SNTB1: variants seen among roughly 807,000 people sequenced by gnomAD.
The protein encoded by SNTB1 is syntrophin beta 1, also known as beta-1-syntrophin.
A neutral mutation model predicts 48.9 loss-of-function variants in SNTB1; 36 were observed. That is an observed-to-expected ratio of 0.74 (90% CI 0.56 to 0.97). The LOEUF (loss-of-function observed/expected upper bound fraction) is 0.97. Ranked by LOEUF, SNTB1 falls within the 50% of genes least tolerant of loss-of-function variation. The pLI is 0.00. For synonymous variants in SNTB1, 299 were observed against 294.6 expected, an observed-to-expected ratio of 1.01 and a Z score of -0.15; for missense variants, 786 against 703.4, an observed-to-expected ratio of 1.12 and a Z score of -1.33.
intron 2 of SNTB1, among the ~76,000 whole-genome samples, chr8:120,658,460 T>C (rs1414384209): frequency 3.3e-5 from 5 of 152,196 alleles, no homozygotes; most frequent in South Asian, 2.1e-4. Flanking sequence ...ATGGGTTCAG[T>C]TCCAGACCAC....
chr8:120,600,367 A>C (rs1426072891), intron 3 of SNTB1, among the ~76,000 whole-genome samples: 1 of 152,244 alleles, frequency 6.6e-6, no homozygotes, highest in Non-Finnish European at 1.5e-5. Flanking sequence ...CTGAGGTCCC[A>C]AATGACAACC....
chr8:120,773,385 A>C (rs1288282690), intron 1 of SNTB1, among the ~76,000 whole-genome samples: 1 of 152,214 alleles, frequency 6.6e-6, no homozygotes. Flanking sequence ...ATAAAAATAA[A>C]GAGAGATTGG....
At chr8:120,643,821 G>C (rs908928294) in intron 2 of SNTB1, among the ~76,000 whole-genome samples, 1 of 152,164 alleles carries the variant, frequency 6.6e-6, no homozygotes, top group East Asian at 1.9e-4. Flanking sequence ...TCTACTTATA[G>C]TTCTTTAAGG....
chr8:120,807,622 T>C (rs141041021), intron 1 of SNTB1, among the ~76,000 whole-genome samples: 1 of 152,334 alleles, frequency 6.6e-6, no homozygotes, highest in East Asian at 1.9e-4. Context: ...TTACAGCAGC[T>C]TCGTTTTGAC....
chr8:120,726,906 T>C (rs1337308625), intron 1 of SNTB1, among the ~76,000 whole-genome samples: 2 of 152,322 alleles, frequency 1.3e-5, no homozygotes, highest in East Asian at 3.9e-4. Flanking sequence ...TAGTGTCTAA[T>C]AGTCAATCTG....
intron 3 of SNTB1, among the ~76,000 whole-genome samples, chr8:120,587,835 T>C (rs1274274146): frequency 6.6e-6 from 1 of 152,092 alleles, no homozygotes; most frequent in Non-Finnish European, 1.5e-5. Flanking sequence ...TAAATTAGCC[T>C]CCTCTCGATG....
intron 2 of SNTB1, among the ~76,000 whole-genome samples, chr8:120,652,578 A>G (rs920147661): frequency 6.6e-6 from 1 of 151,944 alleles, no homozygotes. Context: ...AATACAACCA[A>G]AAGTCCTGAC....
At chr8:120,701,410 C>T (rs2129889208) in intron 1 of SNTB1, among the ~76,000 whole-genome samples, 1 of 152,210 alleles carries the variant, frequency 6.6e-6, no homozygotes, top group African/African-American at 2.4e-5. Flanking sequence ...AATAAGGTCC[C>T]TACCCTTCAA....
At chr8:120,725,571 C>T (rs1052383443) in intron 1 of SNTB1, among the ~76,000 whole-genome samples, 1 of 152,190 alleles carries the variant, frequency 6.6e-6, no homozygotes, top group African/African-American at 2.4e-5. Context: ...TTGGAAGCCA[C>T]TTTCTTTGTT....
chr8:120,563,621 C>A (rs966115987), intron 4 of SNTB1, among the ~76,000 whole-genome samples: 2 of 152,042 alleles, frequency 1.3e-5, no homozygotes, highest in African/African-American at 4.8e-5. Context: ...TGTGCCTGGG[C>A]CTAAAAAGAA....
At chr8:120,703,015 G>GA (rs1818330745) in intron 1 of SNTB1, among the ~76,000 whole-genome samples, 1 of 152,166 alleles carries the variant, frequency 6.6e-6, no homozygotes, top group African/African-American at 2.4e-5. Flanking sequence ...ATTACTGTCA[G>GA]AAAAAATAAA....
intron 1 of SNTB1, 30 bp downstream of exon 1, chr8:120,811,243 G>T: frequency 6.4e-7 from 1 of 1,551,122 alleles, no homozygotes; most frequent in East Asian, 2.3e-5. Flanking sequence ...GTGCGCGCCC[G>T]GCGCGGCCCG....
At chr8:120,755,169 T>TGA (rs1311667820) in intron 1 of SNTB1, among the ~76,000 whole-genome samples, 2 of 119,798 alleles carry the variant, frequency 1.7e-5, no homozygotes, top group Admixed American at 1.7e-4. Context: ...TGTGTGTGTG[T>TGA]GTGAGAGAGA....
Position 120,649,239 on chromosome 8 carries a change from C to T in SNTB1, c.789-16588G>A, listed in dbSNP as rs1406903287. On this transcript the variant is annotated intron_variant, in intron 2 of 6. Coordinates refer to ENST00000517992, the MANE Select transcript of SNTB1 (RefSeq NM_021021.4). ...CTGCGTTCCCTTGGAGGAGGAGAGG[C>T]GCTCTGCTTTTTAGAGTTTCCAGTT... Among the ~76,000 whole-genome samples the T allele has an allele frequency of 9.2e-4, 139 of 151,860 alleles. 2 individuals carry two copies. The highest frequency in any genetic ancestry group is 4.2e-4 in the South Asian group (2 of 4,798).
At chr8:120,557,435 C>A (rs1012106697) in intron 4 of SNTB1, among the ~76,000 whole-genome samples, 1 of 152,164 alleles carries the variant, frequency 6.6e-6, no homozygotes, top group African/African-American at 2.4e-5. Context: ...AAGCTGGCAG[C>A]CAACAGAGGT....
intron 1 of SNTB1, among the ~76,000 whole-genome samples, chr8:120,772,942 C>T (rs764928219): frequency 1.3e-5 from 2 of 152,154 alleles, no homozygotes; most frequent in Non-Finnish European, 2.9e-5. Flanking sequence ...AAGTGTGCTA[C>T]TGTTGGTGGC....
intron 2 of SNTB1, among the ~76,000 whole-genome samples, chr8:120,643,129 T>G (rs1817223749): frequency 6.6e-6 from 1 of 152,192 alleles, no homozygotes; most frequent in Non-Finnish European, 1.5e-5. Flanking sequence ...AGCCTCAGTT[T>G]CTTGCCATAT....
At chr8:120,577,243 AG>A (rs779572946) in intron 3 of SNTB1, among the ~76,000 whole-genome samples, 23 of 152,228 alleles carry the variant, frequency 1.5e-4, no homozygotes, top group Non-Finnish European at 3.1e-4. Context: ...GTGCTTCTGA[AG>A]AAGTGCCCTC....
intron 1 of SNTB1, among the ~76,000 whole-genome samples, chr8:120,739,283 T>G (rs1032397687): frequency 2.0e-5 from 3 of 152,202 alleles, no homozygotes; most frequent in African/African-American, 7.2e-5. Context: ...CAAAATCTGC[T>G]TAGTTTCAAG....
Sources: gnomAD v4.1 joint callset for allele counts (sites outside exome capture counted in the v4.1 genomes callset) on GRCh38, gnomAD v4.1.1 for gene constraint, MANE v1.5 for transcripts, NCBI Gene and HGNC (gene_info 2026-07-23, HGNC 2026-07-21) for gene names.